MARCHF1: variants seen among roughly 807,000 people sequenced by gnomAD.
MARCHF1 encodes membrane associated ring-CH-type finger 1, also known as E3 ubiquitin-protein ligase MARCHF1.
MARCHF1 carries 40 observed loss-of-function variants against 54.2 expected under a neutral mutation model. The ratio of observed to expected loss-of-function variants is 0.74; its 90% CI spans 0.57 to 0.96. MARCHF1 has a LOEUF of 0.96. Among genes scored for constraint, MARCHF1 ranks in the 40% least tolerant of loss-of-function variants. The pLI is 0.00. For synonymous variants in MARCHF1, 236 were observed against 236.3 expected (o/e 1.00, Z 0.01); for missense variants, 586 against 656.5 (o/e 0.89, Z 1.17).
intron 4 of MARCHF1, among the ~76,000 whole-genome samples, chr4:163,718,872 T>A (rs1253809555): frequency 1.3e-5 from 2 of 152,202 alleles, no homozygotes; most frequent in East Asian, 1.9e-4. Context: ...CCGTAGGTGT[T>A]AGCATCTGCT....
chr4:164,333,185 A>G (rs1729615023), intron 1 of MARCHF1, among the ~76,000 whole-genome samples: 1 of 152,192 alleles, frequency 6.6e-6, no homozygotes, highest in South Asian at 2.1e-4. Flanking sequence ...TGTGTTTCAG[A>G]CTTTACATAA....
chr4:163,913,968 G>A (rs1384964716), intron 3 of MARCHF1, among the ~76,000 whole-genome samples: 3 of 148,340 alleles, frequency 2.0e-5, no homozygotes, highest in African/African-American at 2.5e-5. Flanking sequence ...TTACGAAAGG[G>A]ATGTGACAGC....
chr4:164,042,584 C>A (rs1754152153), intron 2 of MARCHF1, among the ~76,000 whole-genome samples: 1 of 152,092 alleles, frequency 6.6e-6, no homozygotes, highest in Non-Finnish European at 1.5e-5. Flanking sequence ...TAGGAGGGGA[C>A]ACAAATCCAA....
At chr4:164,301,426 C>T (rs1734558583) in intron 1 of MARCHF1, among the ~76,000 whole-genome samples, 1 of 152,160 alleles carries the variant, frequency 6.6e-6, no homozygotes, top group Non-Finnish European at 1.5e-5. Context: ...GTAAGGCTGT[C>T]TTAAGAAGGC....
intron 2 of MARCHF1, among the ~76,000 whole-genome samples, chr4:164,057,586 A>C (rs925104371): frequency 2.0e-5 from 3 of 152,126 alleles, no homozygotes. Flanking sequence ...TTCTTTTTAG[A>C]AGATGCAATT....
chr4:163,620,040 C>G (rs1415688478), intron 5 of MARCHF1, among the ~76,000 whole-genome samples: 3 of 152,064 alleles, frequency 2.0e-5, no homozygotes, highest in Admixed American at 6.5e-5. Flanking sequence ...GCTAATTTCT[C>G]TAGTATTTGG....
intron 4 of MARCHF1, among the ~76,000 whole-genome samples, chr4:163,748,673 C>G (rs1016154806): frequency 6.6e-6 from 1 of 152,204 alleles, no homozygotes; most frequent in African/African-American, 2.4e-5. Context: ...TGATCCATCC[C>G]TCAGGGCCAG....
At position 164,320,400 on chromosome 4, in the gene MARCHF1, T is replaced by G. The variant is rs1025775691; in HGVS notation, c.-323+63470A>C. 5.3e-5 allele frequency among the ~76,000 whole-genome samples: 8 copies of G among 152,262 alleles called. No individual in the cohort carries two copies. The East Asian group carries it at 1.5e-3, about 29-fold the overall frequency. On this transcript the variant is annotated intron_variant, in intron 1 of 9. Coordinates refer to ENST00000514618, the MANE Select transcript of MARCHF1 (RefSeq NM_001394959.1). ...AGAAGTAGGAGAACTAAGGAATTACTGCTCCTCAAATGATGAGAAATCGTG... is the reference window on the plus strand; with the variant it reads ...AGAAGTAGGAGAACTAAGGAATTACGGCTCCTCAAATGATGAGAAATCGTG...
At chr4:164,115,758 T>C (rs1156649634) in intron 1 of MARCHF1, among the ~76,000 whole-genome samples, 2 of 152,196 alleles carry the variant, frequency 1.3e-5, no homozygotes, top group East Asian at 3.9e-4. Flanking sequence ...AAAATAAATA[T>C]TTCTGAGAAA....
intron 9 of MARCHF1, among the ~76,000 whole-genome samples, chr4:163,540,982 G>A (rs1400091646): frequency 1.3e-5 from 2 of 152,062 alleles, no homozygotes; most frequent in African/African-American, 4.8e-5. Context: ...AGCCAAGATC[G>A]CACCACTGCA....
intron 2 of MARCHF1, among the ~76,000 whole-genome samples, chr4:164,003,078 G>A (rs1468242237): frequency 6.6e-6 from 1 of 151,848 alleles, no homozygotes; most frequent in African/African-American, 2.4e-5. Flanking sequence ...AAATCCCAAT[G>A]TAAGGGTCTT....
At chr4:163,796,735 T>C (rs190817408) in intron 4 of MARCHF1, among the ~76,000 whole-genome samples, 46 of 152,258 alleles carry the variant, frequency 3.0e-4, no homozygotes, top group South Asian at 1.4e-3. Flanking sequence ...ATGTTTTTTT[T>C]CCCACTATTT....
chr4:163,905,244 T>G (rs1751039434), intron 3 of MARCHF1, among the ~76,000 whole-genome samples: 1 of 151,982 alleles, frequency 6.6e-6, no homozygotes, highest in Admixed American at 6.6e-5. Context: ...AAAACAATCC[T>G]AAATGTCAAG....
chr4:164,000,457 C>G (rs1579450846), intron 2 of MARCHF1, among the ~76,000 whole-genome samples: 1 of 151,220 alleles, frequency 6.6e-6, no homozygotes, highest in Non-Finnish European at 1.5e-5. Flanking sequence ...ATAAAATATT[C>G]AGTAGATTCA....
chr4:164,099,930 G>A (rs1755502501), intron 2 of MARCHF1, among the ~76,000 whole-genome samples: 1 of 152,036 alleles, frequency 6.6e-6, no homozygotes, highest in African/African-American at 2.4e-5. Flanking sequence ...TGTATCTCTT[G>A]TAATCAGCAA....
intron 1 of MARCHF1, among the ~76,000 whole-genome samples, chr4:164,279,210 A>G (rs1733961260): frequency 6.6e-6 from 1 of 151,776 alleles, no homozygotes; most frequent in South Asian, 2.1e-4. Flanking sequence ...TTTAATGGAA[A>G]ACAGAACAGA....
At chr4:164,160,381 T>G (rs577228421) in intron 1 of MARCHF1, among the ~76,000 whole-genome samples, 3 of 152,264 alleles carry the variant, frequency 2.0e-5, no homozygotes, top group African/African-American at 7.2e-5. Flanking sequence ...ATGGTCTCTG[T>G]GTATTTAAGC....
At chr4:163,747,886 C>A (rs185000785) in intron 4 of MARCHF1, among the ~76,000 whole-genome samples, 2 of 152,098 alleles carry the variant, frequency 1.3e-5, no homozygotes, top group East Asian at 1.9e-4. Context: ...CACAGGTATG[C>A]GGTATAAGAG....
At chr4:163,542,434 A>G (rs1048885572) in intron 9 of MARCHF1, among the ~76,000 whole-genome samples, 35 of 152,184 alleles carry the variant, frequency 2.3e-4, no homozygotes, top group Non-Finnish European at 4.6e-4. Context: ...AGCAATTGCA[A>G]TGGCATGTGG....
Sources: allele counts gnomAD v4.1 joint callset (sites outside exome capture counted in the v4.1 genomes callset), GRCh38; gene constraint gnomAD v4.1.1; transcripts MANE v1.5; gene names NCBI Gene and HGNC (gene_info 2026-07-23, HGNC 2026-07-21).